Variants in ASPH observed in about 807,000 individuals in gnomAD.
ASPH encodes the protein aspartyl/asparaginyl beta-hydroxylase.
A neutral mutation model predicts 118.4 loss-of-function variants in ASPH; 100 were observed. That is an observed-to-expected ratio of 0.84 (90% CI 0.72 to 1.00). The LOEUF is 1.00. Among genes scored for constraint, ASPH ranks in the 50% least tolerant of loss-of-function variants. The pLI, the probability that ASPH is intolerant of heterozygous loss-of-function variation, is 0.00. For synonymous variants in ASPH, 315 were observed against 325.6 expected (o/e 0.97, Z 0.35); for missense variants, 920 against 919.5 (o/e 1.00, Z -0.01).
intron 10 of ASPH, among the ~76,000 whole-genome samples, chr8:61,642,353 T>G (rs1805550891): frequency 6.6e-6 from 1 of 152,262 alleles, no homozygotes; most frequent in African/African-American, 2.4e-5. Flanking sequence ...TGAATGACTG[T>G]AACTGCCTCC....
chr8:61,712,202 T>C (rs1416517344), intron 1 of ASPH, among the ~76,000 whole-genome samples: 1 of 152,226 alleles, frequency 6.6e-6, no homozygotes, highest in Admixed American at 6.5e-5. Context: ...AAAAAGTCTT[T>C]GATTTTCCCA....
chr8:61,597,475 ATAAT>A (rs1380760919), intron 14 of ASPH, among the ~76,000 whole-genome samples: 1 of 152,228 alleles, frequency 6.6e-6, no homozygotes, highest in Non-Finnish European at 1.5e-5. Flanking sequence ...ATTTAATGAA[ATAAT>A]AGCTTTCAAA....
At chr8:61,691,857 C>G (rs184000338) in intron 1 of ASPH, among the ~76,000 whole-genome samples, 1 of 152,170 alleles carries the variant, frequency 6.6e-6, no homozygotes, top group African/African-American at 2.4e-5. Flanking sequence ...ACCTTACCCC[C>G]AATTTAGAGC....
rs191209122 is a variant in ASPH at position 61,605,809 on chromosome 8, C to T, written c.976+13169G>A. On this transcript the variant is annotated intron_variant, in intron 14 of 24. Transcript: ENST00000379454. ...GGAAACCTCTTGTGTATTTCCATGACGCTAGTACCAATGCACTAAGTGTGT... is the reference window on the plus strand; with the variant it reads ...GGAAACCTCTTGTGTATTTCCATGATGCTAGTACCAATGCACTAAGTGTGT... Among the ~76,000 whole-genome samples the T allele has an allele frequency of 2.1e-3, 319 of 152,050 alleles. 2 individuals carry two copies. Among genetic ancestry groups the T allele is most frequent in the Middle Eastern group, 3.4e-3 (1 of 294 alleles).
In ASPH at chr8:61,572,814, C is replaced by T. The variant is rs148861661; in HGVS notation, c.1149+3958G>A. ...CAACCAGACTGTTGGCACAAGGAGGCCCTCTCTCACCACTCCTATTCGACG... is the reference window on the plus strand; with the variant it reads ...CAACCAGACTGTTGGCACAAGGAGGTCCTCTCTCACCACTCCTATTCGACG... On this transcript the variant is annotated intron_variant, in intron 16 of 24. Transcript: ENST00000379454. Among the ~76,000 whole-genome samples, 1,340 of 152,290 alleles carry T rather than the reference C, an allele frequency of 8.8e-3. 11 individuals carry two copies. The highest frequency in any genetic ancestry group is 0.014 in the Non-Finnish European group (961 of 68,024).
At chr8:61,586,552 T>C (rs1279304380) in intron 14 of ASPH, among the ~76,000 whole-genome samples, 1 of 152,194 alleles carries the variant, frequency 6.6e-6, no homozygotes, top group Non-Finnish European at 1.5e-5. Context: ...ACTGTCTTTT[T>C]AGCACTCACT....
intron 22 of ASPH, among the ~76,000 whole-genome samples, chr8:61,522,887 A>G (rs1212155277): frequency 2.0e-5 from 3 of 152,132 alleles, no homozygotes; most frequent in African/African-American, 7.2e-5. Context: ...TTATGACCTC[A>G]TTTAATCTTA....
At chr8:61,569,391 T>A (rs1249506232) in intron 16 of ASPH, among the ~76,000 whole-genome samples, 1 of 152,176 alleles carries the variant, frequency 6.6e-6, no homozygotes, top group Non-Finnish European at 1.5e-5. Context: ...TTTAAACATG[T>A]TTATGTTGTT....
chr8:61,608,399 C>T (rs370683349), intron 14 of ASPH, among the ~76,000 whole-genome samples: 30 of 152,286 alleles, frequency 2.0e-4, no homozygotes, highest in African/African-American at 4.8e-4. Flanking sequence ...ATTCTGTCCA[C>T]GCCATGAGAA....
chr8:61,570,532 C>A (rs1371274261), intron 16 of ASPH, among the ~76,000 whole-genome samples: 1 of 152,108 alleles, frequency 6.6e-6, no homozygotes, highest in African/African-American at 2.4e-5. Context: ...AATCTGTATG[C>A]CTTGTCCCCT....
intron 18 of ASPH, among the ~76,000 whole-genome samples, chr8:61,556,536 C>T (rs932821252): frequency 6.6e-6 from 1 of 152,164 alleles, no homozygotes; most frequent in Non-Finnish European, 1.5e-5. Context: ...AGTGCCCAGA[C>T]CATTTTAAGC....
At chr8:61,667,588 A>C (rs981924893) in intron 3 of ASPH, among the ~76,000 whole-genome samples, 2 of 152,192 alleles carry the variant, frequency 1.3e-5, no homozygotes, top group Non-Finnish European at 2.9e-5. Context: ...GCTAGTCTCG[A>C]ATTCCTGACC....
chr8:61,600,297 G>A (rs928253122), intron 14 of ASPH, among the ~76,000 whole-genome samples: 2 of 151,720 alleles, frequency 1.3e-5, no homozygotes, highest in African/African-American at 4.9e-5. Context: ...AAAGCAGAAA[G>A]CCTTTCCTCT....
chr8:61,593,442 C>A (rs910016894), intron 14 of ASPH, among the ~76,000 whole-genome samples: 1 of 152,164 alleles, frequency 6.6e-6, no homozygotes, highest in Non-Finnish European at 1.5e-5. Context: ...CAACTATATA[C>A]CAGCAGGAGG....
chr8:61,649,692 T>C (rs1330208998), intron 5 of ASPH, among the ~76,000 whole-genome samples: 1 of 151,492 alleles, frequency 6.6e-6, no homozygotes, highest in Non-Finnish European at 1.5e-5. Flanking sequence ...TCTTTCTATT[T>C]CTCTCCATCC....
intron 2 of ASPH, chr8:61,683,752 G>A: frequency 3.8e-6 from 1 of 261,650 alleles, no homozygotes; most frequent in East Asian, 7.2e-5. Flanking sequence ...AAATCAAAAA[G>A]TACTGCATAT....
chr8:61,681,111 A>G, intron 2 of ASPH, 75 bp from the exon 3 acceptor site: 1 of 1,179,888 alleles, frequency 8.5e-7, no homozygotes, highest in Non-Finnish European at 1.2e-6. Flanking sequence ...AACTTAGTGA[A>G]GTCATGCAAC....
intron 14 of ASPH, among the ~76,000 whole-genome samples, chr8:61,618,625 T>A (rs770843932): frequency 2.0e-5 from 3 of 152,246 alleles, no homozygotes; most frequent in Non-Finnish European, 4.4e-5. Context: ...TTTACGTATA[T>A]TTTCATTTTA....
At chr8:61,628,207 T>C in intron 13 of ASPH, 1 of 206,706 alleles carries the variant, frequency 4.8e-6, no homozygotes. Flanking sequence ...TCACACAGGC[T>C]AGAGTGCAGT....
Sources: allele counts gnomAD v4.1 joint callset (sites outside exome capture counted in the v4.1 genomes callset), GRCh38; gene constraint gnomAD v4.1.1; transcripts MANE v1.5; gene names NCBI Gene and HGNC (gene_info 2026-07-23, HGNC 2026-07-21).